GRID2: variants seen among roughly 807,000 people sequenced by gnomAD.
GRID2 encodes glutamate ionotropic receptor delta type subunit 2, also known as glutamate receptor ionotropic, delta-2.
In GRID2, 33 loss-of-function variants were observed where a neutral mutation model predicts 114.8. That is an observed-to-expected ratio of 0.29 (90% CI 0.22 to 0.38). The LOEUF is 0.38. GRID2 is among the 10% of genes least tolerant of loss of function. The pLI, the probability that GRID2 is intolerant of heterozygous loss-of-function variation, is 1.00. For missense variants in GRID2, 1,184 were observed against 1,257.7 expected (o/e 0.94, Z 0.89); for synonymous variants, 505 against 449.9 (o/e 1.12, Z -1.55).
chr4:93,452,927 T>C (rs1264942500), intron 10 of GRID2, among the ~76,000 whole-genome samples: 1 of 151,632 alleles, frequency 6.6e-6, no homozygotes, highest in African/African-American at 2.4e-5. Context: ...TTAGGGTACA[T>C]GTGCACAATG....
intron 8 of GRID2, among the ~76,000 whole-genome samples, chr4:93,270,214 A>G (rs1251199952): frequency 1.1e-5 from 1 of 87,132 alleles, no homozygotes; most frequent in Non-Finnish European, 2.1e-5. Flanking sequence ...TCACACACAC[A>G]TACACACACA....
intron 2 of GRID2, among the ~76,000 whole-genome samples, chr4:92,871,105 G>A (rs1230009060): frequency 2.0e-5 from 3 of 152,072 alleles, no homozygotes; most frequent in East Asian, 3.9e-4. Context: ...ACAGAATGTT[G>A]GTAGATAGAA....
intron 14 of GRID2, among the ~76,000 whole-genome samples, chr4:93,681,866 A>G (rs1314791919): frequency 6.6e-6 from 1 of 152,004 alleles, no homozygotes; most frequent in African/African-American, 2.4e-5. Context: ...GGACATAGGC[A>G]TGGGCAAGGA....
chr4:93,682,063 T>A (rs1438504396), intron 14 of GRID2, among the ~76,000 whole-genome samples: 1 of 151,522 alleles, frequency 6.6e-6, no homozygotes, highest in Non-Finnish European at 1.5e-5. Context: ...GAATCTACAA[T>A]GAACTCAAAC....
intron 2 of GRID2, among the ~76,000 whole-genome samples, chr4:92,804,406 G>A (rs1740315867): frequency 6.6e-6 from 1 of 151,784 alleles, no homozygotes; most frequent in Non-Finnish European, 1.5e-5. Context: ...ATGAATACTG[G>A]CAATTTATGA....
At chr4:93,183,630 A>G (rs1184154180) in intron 4 of GRID2, among the ~76,000 whole-genome samples, 1 of 152,220 alleles carries the variant, frequency 6.6e-6, no homozygotes, top group Non-Finnish European at 1.5e-5. Flanking sequence ...ATGTAGGGCA[A>G]TTCTGTTCTC....
chr4:93,144,671 A>T (rs1736043147), intron 4 of GRID2, among the ~76,000 whole-genome samples: 1 of 152,222 alleles, frequency 6.6e-6, no homozygotes, highest in Non-Finnish European at 1.5e-5. Flanking sequence ...AAATGACAGG[A>T]TAATCACCAA....
At chr4:93,700,930 C>G (rs866082296) in intron 14 of GRID2, among the ~76,000 whole-genome samples, 6 of 151,730 alleles carry the variant, frequency 4.0e-5, no homozygotes, top group African/African-American at 1.5e-4. Flanking sequence ...CCTTTTAATG[C>G]CAAGATAAAT....
chr4:92,350,549 A>G (rs1728012866), intron 1 of GRID2, among the ~76,000 whole-genome samples: 1 of 151,678 alleles, frequency 6.6e-6, no homozygotes. Context: ...TTCAATATTT[A>G]TCTATTTTGA....
intron 2 of GRID2, among the ~76,000 whole-genome samples, chr4:92,625,522 T>G (rs1471020741): frequency 1.3e-5 from 2 of 151,868 alleles, no homozygotes; most frequent in Non-Finnish European, 2.9e-5. Context: ...TACTATGAGA[T>G]AGTAATACAC....
At chr4:93,225,895 C>G (rs968012494) in intron 7 of GRID2, among the ~76,000 whole-genome samples, 2 of 152,082 alleles carry the variant, frequency 1.3e-5, no homozygotes, top group Non-Finnish European at 2.9e-5. Context: ...TGGAGAGGGT[C>G]ATCTCATGGC....
intron 2 of GRID2, among the ~76,000 whole-genome samples, chr4:92,718,553 C>T (rs115224658): frequency 6.6e-6 from 1 of 151,728 alleles, no homozygotes; most frequent in African/African-American, 2.4e-5. Context: ...TATTTGAGGC[C>T]AGGAGCTCAA....
At chr4:92,706,055 C>A (rs541623282) in intron 2 of GRID2, among the ~76,000 whole-genome samples, 1 of 152,130 alleles carries the variant, frequency 6.6e-6, no homozygotes, top group Non-Finnish European at 1.5e-5. Context: ...GAAGTAAAGG[C>A]GCAGTTTTAA....
chr4:93,425,048 C>A (rs1283998184), intron 10 of GRID2, among the ~76,000 whole-genome samples: 3 of 152,078 alleles, frequency 2.0e-5, no homozygotes, highest in Non-Finnish European at 2.9e-5. Flanking sequence ...GATTTCCTAT[C>A]TTTTTATCAG....
intron 1 of GRID2, among the ~76,000 whole-genome samples, chr4:92,574,215 C>A (rs550489711): frequency 6.1e-4 from 93 of 152,192 alleles, no homozygotes; most frequent in African/African-American, 2.2e-3. Context: ...CCCTTGAAGA[C>A]AGCATACCAA....
At chr4:92,600,044 G>GTA (rs70942915) in intron 2 of GRID2, among the ~76,000 whole-genome samples, 2,042 of 54,232 alleles carry the variant, frequency 0.038, 59 homozygotes, top group Non-Finnish European at 0.046. Flanking sequence ...GTGTGTGTGT[G>GTA]TATATATATA....
chr4:93,172,759 T>A (rs1579189668), intron 4 of GRID2, among the ~76,000 whole-genome samples: 1 of 152,218 alleles, frequency 6.6e-6, no homozygotes, highest in Admixed American at 6.5e-5. Context: ...CTTTAAAGAA[T>A]CTAAGTTAAG....
chr4:92,898,481 G>A (rs1196642187), intron 2 of GRID2, among the ~76,000 whole-genome samples: 1 of 151,958 alleles, frequency 6.6e-6, no homozygotes, highest in African/African-American at 2.4e-5. Flanking sequence ...GTATATTCTT[G>A]TCTCTTCAAA....
chr4:93,459,021 A>G (rs190932946), intron 11 of GRID2, among the ~76,000 whole-genome samples: 1 of 152,042 alleles, frequency 6.6e-6, no homozygotes, highest in Admixed American at 6.5e-5. Context: ...CTCTGCTAAA[A>G]ATACAAAAAA....
Sources: gnomAD v4.1 joint callset for allele counts (sites outside exome capture counted in the v4.1 genomes callset) on GRCh38, gnomAD v4.1.1 for gene constraint, MANE v1.5 for transcripts, NCBI Gene and HGNC (gene_info 2026-07-23, HGNC 2026-07-21) for gene names.